Variants in TMEM161B observed in about 807,000 individuals in gnomAD.
TMEM161B encodes transmembrane protein 161B.
TMEM161B carries 34 observed loss-of-function variants against 61.8 expected under a neutral mutation model. The ratio of observed to expected loss-of-function variants is 0.55; its 90% confidence interval spans 0.42 to 0.73. The LOEUF (loss-of-function observed/expected upper bound fraction) is 0.73, where lower values mean the gene tolerates loss of function less well. Among genes scored for constraint, TMEM161B ranks in the 30% least tolerant of loss-of-function variants. The probability of loss-of-function intolerance (pLI) is 0.00; values close to 1 mark genes in which losing one functional copy is unlikely to be tolerated. For missense variants in TMEM161B, 456 were observed against 558.5 expected (o/e 0.82, Z 1.85); for synonymous variants, 167 against 192.8 (o/e 0.87, Z 1.11).
At chr5:88,228,898 G>A (rs1021911374) in intron 2 of TMEM161B, among the ~76,000 whole-genome samples, 11 of 152,156 alleles carry the variant, frequency 7.2e-5, no homozygotes, top group African/African-American at 2.7e-4. Context: ...TCATTTGAAG[G>A]AATTGAGAGT....
At chr5:88,239,270 A>G (rs1752361746) in intron 2 of TMEM161B, among the ~76,000 whole-genome samples, 1 of 152,006 alleles carries the variant, frequency 6.6e-6, no homozygotes, top group African/African-American at 2.4e-5. Flanking sequence ...AAATGGGACA[A>G]GATTGTCAAG....
chr5:88,204,523 A>G (rs1745064694), intron 8 of TMEM161B, among the ~76,000 whole-genome samples: 1 of 152,168 alleles, frequency 6.6e-6, no homozygotes, highest in Non-Finnish European at 1.5e-5. Context: ...CAGTGTTGCT[A>G]GGGAACACTC....
intron 1 of TMEM161B, among the ~76,000 whole-genome samples, chr5:88,245,116 T>C (rs1433445679): frequency 1.3e-5 from 2 of 151,862 alleles, no homozygotes; most frequent in Non-Finnish European, 2.9e-5. Flanking sequence ...AGAGGTATCA[T>C]GTTACCCAAC....
chr5:88,244,446 G>A (rs531207736), intron 1 of TMEM161B, among the ~76,000 whole-genome samples: 127 of 151,774 alleles, frequency 8.4e-4, no homozygotes, highest in Non-Finnish European at 1.6e-3. Flanking sequence ...ATGGTTGCAG[G>A]TGTGTGGCAT....
downstream of TMEM161B, among the ~76,000 whole-genome samples, chr5:88,193,186 G>A (rs984756898): frequency 2.6e-5 from 4 of 152,130 alleles, no homozygotes; most frequent in African/African-American, 9.7e-5. Context: ...GGGGTAGGAG[G>A]AAGAATACAG....
At chr5:88,251,880 T>C (rs1480218681) in intron 1 of TMEM161B, among the ~76,000 whole-genome samples, 1 of 152,200 alleles carries the variant, frequency 6.6e-6, no homozygotes, top group African/African-American at 2.4e-5. Context: ...TTGTGTTCAC[T>C]GTTATATCCC....
At chr5:88,243,016 G>GA (rs1254311486) in intron 1 of TMEM161B, among the ~76,000 whole-genome samples, 4 of 151,464 alleles carry the variant, frequency 2.6e-5, no homozygotes, top group African/African-American at 9.7e-5. Flanking sequence ...ATTTAAAAAA[G>GA]AAAAAATATG....
rs759470523 is a variant in TMEM161B at position 88,268,774 on chromosome 5, C to A, written c.-51G>T. On this transcript the variant is annotated 5_prime_UTR_variant, in exon 1 of 12. Transcript: ENST00000296595. ...GACACCCTGGAGTTGCCGGGGCAGT[C>A]CCAAACCTCTTACCTCCCGGTCCTT... The A allele has an allele frequency of 5.6e-6, 9 of 1,613,560 alleles. No homozygotes were observed.
intron 4 of TMEM161B, among the ~76,000 whole-genome samples, chr5:88,224,112 C>T (rs1749544440): frequency 6.6e-6 from 1 of 152,186 alleles, no homozygotes; most frequent in Middle Eastern, 3.4e-3. Context: ...TGATTTAACC[C>T]AAGAAGGGTC....
At chr5:88,239,008 ACAAAAG>A (rs1752308765) in intron 2 of TMEM161B, among the ~76,000 whole-genome samples, 1 of 152,008 alleles carries the variant, frequency 6.6e-6, no homozygotes, top group South Asian at 2.1e-4. Flanking sequence ...TAATCCATTT[ACAAAAG>A]CAAGTCAAGA....
At chr5:88,200,654 GA>G (rs1000547417) in intron 9 of TMEM161B, 2 of 152,116 alleles carry the variant, frequency 1.3e-5, no homozygotes, top group African/African-American at 4.8e-5. Context: ...ATAAATATCT[GA>G]AGAAGTTGAT....
rs1165616116 is a variant in TMEM161B, at chr5:88,228,519, C to G, written c.117G>C (p.Trp39Cys). The G allele has an allele frequency of 6.3e-7, 1 of 1,596,888 alleles. No homozygotes were observed. The highest frequency in any genetic ancestry group is 1.3e-5 in the African/African-American group (1 of 74,294). ...RWLLCNGSLR[W>C]YQHPTEEELR... ...ATTCTTCTTCTGTAGGATGTTGATA[C>G]CACCTCAAACTAAGCAAAAAAAGAA... is the stretch of plus-strand genomic sequence containing the variant. The change falls in exon 3 of 12, where the codon TGG becomes TGC. Residue 39 changes from tryptophan (W) to cysteine (C), a missense_variant. Trp to Cys is a radical substitution (Grantham distance 215). Coordinates refer to ENST00000296595, the MANE Select transcript of TMEM161B (RefSeq NM_153354.5).
At chr5:88,255,689 G>C (rs1027337384) in intron 1 of TMEM161B, among the ~76,000 whole-genome samples, 8 of 152,100 alleles carry the variant, frequency 5.3e-5, no homozygotes, top group African/African-American at 1.9e-4. Context: ...CTGTTTTACA[G>C]CATAAAATAC....
At chr5:88,227,708 G>A (rs1044474925) in intron 3 of TMEM161B, among the ~76,000 whole-genome samples, 1 of 152,178 alleles carries the variant, frequency 6.6e-6, no homozygotes, top group South Asian at 2.1e-4. Context: ...GAGAAATATG[G>A]TTATAATTTG....
intron 1 of TMEM161B, among the ~76,000 whole-genome samples, chr5:88,254,946 A>G (rs1561422552): frequency 1.3e-5 from 2 of 152,132 alleles, no homozygotes; most frequent in Non-Finnish European, 2.9e-5. Context: ...GGTAATCAAA[A>G]GAACCAAAGA....
At chr5:88,230,489 T>C (rs1435687995) in intron 2 of TMEM161B, among the ~76,000 whole-genome samples, 2 of 152,120 alleles carry the variant, frequency 1.3e-5, no homozygotes, top group Non-Finnish European at 2.9e-5. Flanking sequence ...CACATGTGTA[T>C]GGGGGTCATG....
chr5:88,192,373 TCTAC>T (rs1749045819), downstream of TMEM161B, among the ~76,000 whole-genome samples: 3 of 152,048 alleles, frequency 2.0e-5, no homozygotes, highest in Admixed American at 1.3e-4. Flanking sequence ...GTAAAAAGGC[TCTAC>T]CTGTTTTTGT....
chr5:88,267,038 T>G (rs1226060386), intron 1 of TMEM161B, among the ~76,000 whole-genome samples: 1 of 152,220 alleles, frequency 6.6e-6, no homozygotes, highest in Admixed American at 6.5e-5. Flanking sequence ...AGCTTTTCTG[T>G]GACTATGATG....
rs1486686642 is a variant in TMEM161B at position 88,195,350 on chromosome 5, CAATAT to C, written c.*856_*860del. ...TCAATATTTTCATCTTTTATAATCT[CAATAT>C]ATTATATATTTAATATATAATATAT... is the stretch of plus-strand genomic sequence containing the variant. On this transcript the variant is annotated 3_prime_UTR_variant, in exon 12 of 12. Coordinates refer to ENST00000296595, the MANE Select transcript of TMEM161B (RefSeq NM_153354.5). 1 of 736,836 alleles carries C rather than the reference CAATAT, an allele frequency of 1.4e-6. No individual in the cohort carries two copies. The highest frequency in any genetic ancestry group is 1.9e-5 in the African/African-American group (1 of 51,806). 45.6% of individuals were successfully genotyped at this position (736,836 alleles called of 1,614,324 possible).
Sources: allele counts gnomAD v4.1 joint callset (sites outside exome capture counted in the v4.1 genomes callset), GRCh38; gene constraint gnomAD v4.1.1; transcripts MANE v1.5; gene names NCBI Gene and HGNC (gene_info 2026-07-23, HGNC 2026-07-21).